Variants in NT5M observed in about 807,000 individuals in gnomAD.
NT5M encodes 5',3'-nucleotidase, mitochondrial.
NT5M carries 22 observed loss-of-function variants against 22.2 expected under a neutral mutation model. That is an observed-to-expected ratio of 0.99 (90% CI 0.71 to 1.41). The LOEUF (loss-of-function observed/expected upper bound fraction) is 1.41, where lower values mean the gene tolerates loss of function less well. NT5M is among the 40% of genes most tolerant of loss of function. The pLI is 0.00. For missense variants in NT5M, 322 were observed against 314.8 expected, an observed-to-expected ratio of 1.02 and a Z score of -0.17; for synonymous variants, 167 against 133.0, an observed-to-expected ratio of 1.26 and a Z score of -1.76.
chr17:17,338,391 C>A (rs2049563419), intron 3 of NT5M, among the ~76,000 whole-genome samples: 1 of 152,100 alleles, frequency 6.6e-6, no homozygotes, highest in South Asian at 2.1e-4. Flanking sequence ...TGGGGTTTCA[C>A]CACGTTAGCC....
chr17:17,305,399 C>CA (rs2048776444), intron 1 of NT5M, among the ~76,000 whole-genome samples: 2 of 119,872 alleles, frequency 1.7e-5, no homozygotes, highest in Non-Finnish European at 3.5e-5. Context: ...CAACCGCCCC[C>CA]CCCCCCCCGC....
chr17:17,309,912 C>T (rs988689817), intron 2 of NT5M, among the ~76,000 whole-genome samples: 1 of 151,364 alleles, frequency 6.6e-6, no homozygotes. Flanking sequence ...GCAACCTCTG[C>T]CTCCTGGGTT....
intron 3 of NT5M, among the ~76,000 whole-genome samples, chr17:17,335,413 A>G (rs966756956): frequency 1.2e-4 from 19 of 152,014 alleles, no homozygotes; most frequent in African/African-American, 4.4e-4. Flanking sequence ...GCCCGCCACC[A>G]TGCCCAGCTA....
chr17:17,317,102 T>C (rs1462206468), intron 2 of NT5M, among the ~76,000 whole-genome samples: 5 of 148,880 alleles, frequency 3.4e-5, no homozygotes, highest in Non-Finnish European at 5.9e-5. Context: ...CAGGCTGGAG[T>C]GCTGTGGCAT....
chr17:17,304,022 T>C, intron 1 of NT5M: 1 of 1,223,662 alleles, frequency 8.2e-7, no homozygotes, highest in Non-Finnish European at 1.0e-6. Context: ...CATCCAAGGT[T>C]TCTGAAAATG....
intron 2 of NT5M, among the ~76,000 whole-genome samples, chr17:17,316,333 C>T (rs761938200): frequency 6.6e-5 from 10 of 152,032 alleles, no homozygotes; most frequent in Non-Finnish European, 1.5e-4. Flanking sequence ...GCTGGAATTA[C>T]ATGCGTGAGC....
At chr17:17,325,311 C>T (rs1400436939) in intron 3 of NT5M, among the ~76,000 whole-genome samples, 3 of 151,444 alleles carry the variant, frequency 2.0e-5, no homozygotes, top group South Asian at 2.1e-4. Context: ...CCCGGGACTG[C>T]CCTCTGAGCT....
At chr17:17,325,051 C>T (rs1157298375) in intron 3 of NT5M, among the ~76,000 whole-genome samples, 1 of 151,202 alleles carries the variant, frequency 6.6e-6, no homozygotes, top group East Asian at 1.9e-4. Flanking sequence ...TCAGCCCCAC[C>T]CTACACCTTC....
At position 17,346,857 on chromosome 17, in the gene NT5M, C is replaced by T. The variant is rs1214817384; in HGVS notation, c.597C>T (p.Asn199=). ...ATGTCCTCTTCACCGCCTGCCACAA[C>T]CAGCACCTGCAGCTGCAGCCCCCCC... ...WEHVLFTACH[N]QHLQLQPPRR... is the part of the protein sequence containing the mutation. Residue 199 remains asparagine, a synonymous_variant, in exon 5 of 5, where the codon AAC becomes AAT. Transcript: ENST00000389022. 1.2e-6 allele frequency: 2 copies of T among 1,608,628 alleles called. No individual in the cohort carries two copies. Among genetic ancestry groups the T allele is most frequent in the South Asian group, 1.1e-5 (1 of 91,082 alleles).
At chr17:17,321,375 G>A (rs930121341) in intron 2 of NT5M, among the ~76,000 whole-genome samples, 117 of 151,856 alleles carry the variant, frequency 7.7e-4, no homozygotes, top group Non-Finnish European at 3.2e-4. Context: ...CAGAGGGGGA[G>A]GATCCAGGGC....
At chr17:17,336,597 C>T (rs865854063) in intron 3 of NT5M, among the ~76,000 whole-genome samples, 1 of 148,084 alleles carries the variant, frequency 6.8e-6, no homozygotes, top group Admixed American at 6.8e-5. Flanking sequence ...GTCACCCAGG[C>T]TTGAGTGCAG....
intron 1 of NT5M, among the ~76,000 whole-genome samples, chr17:17,305,803 A>G (rs897556441): frequency 1.3e-5 from 2 of 151,966 alleles, no homozygotes; most frequent in African/African-American, 4.8e-5. Flanking sequence ...GGAAGGAGAA[A>G]GGCAGCGGGG....
chr17:17,343,812 C>G (rs12948296), intron 3 of NT5M, among the ~76,000 whole-genome samples: 55,663 of 152,044 alleles, frequency 0.37, 10,798 homozygotes, highest in East Asian at 0.47. Context: ...GGGTCTGTGA[C>G]TTAAGGGTTG....
At chr17:17,336,965 G>A (rs1169127657) in intron 3 of NT5M, among the ~76,000 whole-genome samples, 4 of 152,178 alleles carry the variant, frequency 2.6e-5, no homozygotes, top group African/African-American at 7.2e-5. Context: ...ATGGGAGTGC[G>A]AGTATCTTTT....
intron 3 of NT5M, among the ~76,000 whole-genome samples, chr17:17,329,600 A>T (rs144439688): frequency 2.2e-4 from 33 of 152,306 alleles, no homozygotes; most frequent in African/African-American, 7.5e-4. Flanking sequence ...GCGAAGGGGA[A>T]TGTGCTCTTC....
At chr17:17,329,031 G>T (rs1046169842) in intron 3 of NT5M, among the ~76,000 whole-genome samples, 44 of 152,154 alleles carry the variant, frequency 2.9e-4, no homozygotes, top group African/African-American at 1.0e-3. Context: ...AGGCTGGAGT[G>T]CAGTGGCGTG....
rs749138242 is a variant in NT5M, at chr17:17,346,970, T to C, written c.*23T>C. 9 of 1,608,044 alleles carry C rather than the reference T, an allele frequency of 5.6e-6. No individual in the cohort carries two copies. The highest frequency in any genetic ancestry group is 2.2e-5 in the East Asian group (1 of 44,862). ...TGAGCTGGACTGTGCTTCGGGCTCC[T>C]CTGTGGGGCTCTGACCTCAGGGCTC... On this transcript the variant is annotated 3_prime_UTR_variant, in exon 5 of 5. Coordinates refer to ENST00000389022, the MANE Select transcript of NT5M (RefSeq NM_020201.4).
In NT5M at chr17:17,305,394, G is replaced by GCCCCCCCCCCCCCCCC. The variant is rs34579357; in HGVS notation, c.268-1136_268-1135insCCCCCCCCCCCCCCCC. 1.4e-3 allele frequency among the ~76,000 whole-genome samples: 107 copies of GCCCCCCCCCCCCCCCC among 74,098 alleles called. 1 individual carries two copies. The highest frequency in any genetic ancestry group is 1.7e-3 in the African/African-American group (34 of 20,046). 48.6% of individuals were successfully genotyped at this position (74,098 alleles called of 152,430 possible). A position where few individuals can be genotyped will look rare whatever the true frequency, so the allele number is the denominator to read the frequency against. On this transcript the variant is annotated intron_variant, in intron 1 of 4. Transcript: ENST00000389022. ...CCCAGTATCTGTGGTTAAAACAACC[G>GCCCCCCCCCCCCCCCC]CCCCCCCCCCCCCGCCCCCACACAC...
At chr17:17,319,936 G>A (rs1037492009) in intron 2 of NT5M, among the ~76,000 whole-genome samples, 5 of 151,916 alleles carry the variant, frequency 3.3e-5, no homozygotes, top group Admixed American at 6.6e-5. Context: ...TCCGCCTTTT[G>A]GATTCAAGTG....
Sources: gnomAD v4.1 joint callset for allele counts (sites outside exome capture counted in the v4.1 genomes callset) on GRCh38, gnomAD v4.1.1 for gene constraint, MANE v1.5 for transcripts, NCBI Gene and HGNC (gene_info 2026-07-23, HGNC 2026-07-21) for gene names.